CACNA2D1: variants seen among roughly 807,000 people sequenced by gnomAD.
CACNA2D1 encodes the protein voltage-dependent calcium channel subunit alpha-2/delta-1.
A neutral mutation model predicts 171.5 loss-of-function variants in CACNA2D1; 53 were observed. The observed-to-expected ratio is 0.31, with a 90% confidence interval of 0.25 to 0.39. The LOEUF (loss-of-function observed/expected upper bound fraction) is 0.39. Ranked by LOEUF, CACNA2D1 falls within the 10% of genes least tolerant of loss-of-function variation. The pLI is 1.00. For missense variants in CACNA2D1, 903 were observed against 1,299.8 expected, an observed-to-expected ratio of 0.69 and a Z score of 4.69; for synonymous variants, 442 against 443.1, an observed-to-expected ratio of 1.00 and a Z score of 0.03.
At chr7:82,391,408 T>A (rs535619199) in intron 1 of CACNA2D1, among the ~76,000 whole-genome samples, 1 of 152,296 alleles carries the variant, frequency 6.6e-6, no homozygotes, top group African/African-American at 2.4e-5. Context: ...TTCACCTGAC[T>A]TTTTGCCCAC....
In CACNA2D1 at chr7:82,410,712, G is replaced by A. The variant is rs185538188; in HGVS notation, c.95+32653C>T. Reference sequence around the variant, plus strand: ...TCTAAAAATAAAGCGACAAAAGCACGGGGAAGGCAGAATGAATTCTTAACA... The same window carrying A: ...TCTAAAAATAAAGCGACAAAAGCACAGGGAAGGCAGAATGAATTCTTAACA... On this transcript the variant is annotated intron_variant, in intron 1 of 38. Transcript: ENST00000356860. 4.8e-3 allele frequency among the ~76,000 whole-genome samples: 737 copies of A among 152,264 alleles called. 12 individuals carry two copies. The highest frequency in any genetic ancestry group is 5.1e-3 in the Non-Finnish European group (348 of 68,030).
At chr7:82,137,707 T>TACAAAAAAAAAAAAAAA (rs1791810410) in intron 4 of CACNA2D1, among the ~76,000 whole-genome samples, 1 of 78,844 alleles carries the variant, frequency 1.3e-5, no homozygotes, top group Non-Finnish European at 2.4e-5. Context: ...CCGTCTCTAC[T>TACAAAAAAAAAAAAAAA]AAAAAAAAAA....
At chr7:82,094,240 GAAAAA>G (rs56682610) in intron 6 of CACNA2D1, among the ~76,000 whole-genome samples, 1 of 146,586 alleles carries the variant, frequency 6.8e-6, no homozygotes, top group Non-Finnish European at 1.5e-5. Flanking sequence ...AGAATGAAAA[GAAAAA>G]AAAAAACTAT....
At chr7:81,997,428 A>G (rs1798158564) in intron 18 of CACNA2D1, among the ~76,000 whole-genome samples, 178 bp from the exon 19 acceptor site, 1 of 151,088 alleles carries the variant, frequency 6.6e-6, no homozygotes, top group African/African-American at 2.4e-5. Context: ...TATAAAAGCT[A>G]GAGATTGAGC....
chr7:81,996,716 G>C (rs1313431190), intron 19 of CACNA2D1, among the ~76,000 whole-genome samples: 1 of 151,248 alleles, frequency 6.6e-6, no homozygotes, highest in Non-Finnish European at 1.5e-5. Context: ...GACTCTCTCA[G>C]AGGAGGAAAT....
At chr7:82,053,230 T>A (rs1338967748) in intron 10 of CACNA2D1, among the ~76,000 whole-genome samples, 5 of 123,872 alleles carry the variant, frequency 4.0e-5, no homozygotes, top group Non-Finnish European at 6.3e-5. Context: ...CCAGCCTGGG[T>A]GACAGAGCGA....
At chr7:82,397,905 T>C (rs867426271) in intron 1 of CACNA2D1, among the ~76,000 whole-genome samples, 7 of 151,576 alleles carry the variant, frequency 4.6e-5, no homozygotes, top group African/African-American at 1.5e-4. Context: ...TATTAGACAA[T>C]AAAAGGGGAA....
At chr7:82,111,444 A>ATATATATAT (rs1207440298) in intron 6 of CACNA2D1, among the ~76,000 whole-genome samples, 2 of 69,968 alleles carry the variant, frequency 2.9e-5, no homozygotes, top group Admixed American at 1.6e-4. Context: ...ATATATATAT[A>ATATATATAT]TTTTTTTTTT....
intron 24 of CACNA2D1, among the ~76,000 whole-genome samples, chr7:81,978,226 C>G (rs988525685): frequency 2.0e-5 from 3 of 152,094 alleles, no homozygotes; most frequent in Non-Finnish European, 2.9e-5. Flanking sequence ...ACCCAGCAAT[C>G]CCATTACTGG....
intron 10 of CACNA2D1, among the ~76,000 whole-genome samples, chr7:82,054,215 T>C (rs1245069201): frequency 1.3e-5 from 2 of 151,904 alleles, no homozygotes; most frequent in Non-Finnish European, 2.9e-5. Flanking sequence ...GAAATCATTT[T>C]AAAGCATTTT....
intron 18 of CACNA2D1, among the ~76,000 whole-genome samples, chr7:81,998,762 A>G (rs1798299976): frequency 6.6e-6 from 1 of 152,116 alleles, no homozygotes; most frequent in African/African-American, 2.4e-5. Context: ...TTGGTAAGAT[A>G]CTGATGACAT....
chr7:82,353,325 G>A (rs534951330), intron 1 of CACNA2D1, among the ~76,000 whole-genome samples: 28 of 152,212 alleles, frequency 1.8e-4, no homozygotes, highest in African/African-American at 6.0e-4. Flanking sequence ...TCAGGTAGAG[G>A]ATGATGGGAA....
In CACNA2D1 at chr7:81,974,522, A is replaced by G. The variant is rs749788397; in HGVS notation, c.1986T>C (p.Asp662=). 1.9e-6 allele frequency: 3 copies of G among 1,570,684 alleles called. No homozygotes were observed. Among genetic ancestry groups the G allele is most frequent in the South Asian group, 1.1e-5 (1 of 89,948 alleles). Residue 662 remains aspartate (D), a synonymous_variant, in exon 25 of 39, where the codon GAT becomes GAC. Transcript: ENST00000356860. ...RDYCNDLKIS[D]NNTEFLLNFN... is the part of the protein sequence containing the mutation. Reference sequence around the variant, plus strand: ...AATTTAAAAGAAATTCAGTGTTATTATCCGATATTTTCAGGTCATTGCAGT... The same window carrying G: ...AATTTAAAAGAAATTCAGTGTTATTGTCCGATATTTTCAGGTCATTGCAGT...
intron 21 of CACNA2D1, among the ~76,000 whole-genome samples, chr7:81,984,920 G>C (rs1173280238): frequency 6.6e-6 from 1 of 152,040 alleles, no homozygotes; most frequent in East Asian, 1.9e-4. Context: ...TACATTGTAG[G>C]GAATCAGAAG....
chr7:82,353,906 C>T (rs976945101), intron 1 of CACNA2D1, among the ~76,000 whole-genome samples: 3 of 151,938 alleles, frequency 2.0e-5, no homozygotes, highest in African/African-American at 7.3e-5. Context: ...CAGGAAATGC[C>T]ACCCCCAAAT....
At chr7:82,405,852 A>T (rs1826971754) in intron 1 of CACNA2D1, among the ~76,000 whole-genome samples, 1 of 152,062 alleles carries the variant, frequency 6.6e-6, no homozygotes, top group South Asian at 2.1e-4. Context: ...CTCAGAAATC[A>T]TAGCTTTGGT....
At chr7:81,963,472 C>T (rs1794378666) in intron 34 of CACNA2D1, among the ~76,000 whole-genome samples, 1 of 151,824 alleles carries the variant, frequency 6.6e-6, no homozygotes, top group Non-Finnish European at 1.5e-5. Context: ...TTCCACAGTG[C>T]CACAATTGAC....
intron 1 of CACNA2D1, among the ~76,000 whole-genome samples, chr7:82,404,688 A>G (rs903729892): frequency 5.3e-5 from 8 of 152,158 alleles, no homozygotes; most frequent in Non-Finnish European, 1.0e-4. Context: ...ATTATTTCAG[A>G]CCCCAGTCAA....
intron 1 of CACNA2D1, among the ~76,000 whole-genome samples, chr7:82,365,605 G>T (rs1175854427): frequency 6.6e-6 from 1 of 152,178 alleles, no homozygotes; most frequent in Non-Finnish European, 1.5e-5. Flanking sequence ...ATGGTGTTTT[G>T]TTTATAGCAG....
Sources: allele counts gnomAD v4.1 joint callset (sites outside exome capture counted in the v4.1 genomes callset), GRCh38; gene constraint gnomAD v4.1.1; transcripts MANE v1.5; gene names NCBI Gene and HGNC (gene_info 2026-07-23, HGNC 2026-07-21).